MAF: variants seen among roughly 807,000 people sequenced by gnomAD.
MAF encodes MAF bZIP transcription factor, also known as transcription factor Maf.
In MAF, 10 loss-of-function variants were observed where a neutral mutation model predicts 22.0. That is an observed-to-expected ratio of 0.45 (90% CI 0.28 to 0.77). The LOEUF is 0.77. Ranked by LOEUF, MAF falls within the 30% of genes least tolerant of loss-of-function variation. The probability of loss-of-function intolerance (pLI) is 0.12; values close to 1 mark genes in which losing one functional copy is unlikely to be tolerated. For synonymous variants in MAF, 337 were observed against 255.8 expected (o/e 1.32, Z -3.03); for missense variants, 544 against 548.4 (o/e 0.99, Z 0.08).
the MAF span, among the ~76,000 whole-genome samples, chr16:79,563,083 A>C: frequency 6.6e-6 from 1 of 151,570 alleles, no homozygotes; most frequent in Non-Finnish European, 1.5e-5. Context: ...TATACTATGG[A>C]AACAGACAGC....
At chr16:79,538,173 T>C in the MAF span, among the ~76,000 whole-genome samples, 11 of 152,212 alleles carry the variant, frequency 7.2e-5, no homozygotes, top group African/African-American at 2.4e-4. Flanking sequence ...ATTAAATTTA[T>C]CATAAAACTA....
At chr16:79,371,094 A>C in the MAF span, among the ~76,000 whole-genome samples, 2 of 151,794 alleles carry the variant, frequency 1.3e-5, no homozygotes, top group South Asian at 4.2e-4. Context: ...CAGATGGTGG[A>C]TGAATGGTTT....
chr16:79,456,800 T>A, the MAF span, among the ~76,000 whole-genome samples: 1 of 152,164 alleles, frequency 6.6e-6, no homozygotes, highest in Non-Finnish European at 1.5e-5. Flanking sequence ...AGTCTCCTCT[T>A]CTTTTTGGGA....
At chr16:79,529,230 T>C in the MAF span, among the ~76,000 whole-genome samples, 1 of 152,132 alleles carries the variant, frequency 6.6e-6, no homozygotes, top group Non-Finnish European at 1.5e-5. Context: ...CAGTTACACC[T>C]TCCCATGCGC....
the MAF span, among the ~76,000 whole-genome samples, chr16:79,475,590 C>T: frequency 6.6e-6 from 1 of 152,072 alleles, no homozygotes; most frequent in Non-Finnish European, 1.5e-5. Flanking sequence ...GAAAGAATTT[C>T]CTGGGGGAGA....
At chr16:79,310,616 G>C in the MAF span, among the ~76,000 whole-genome samples, 21,716 of 152,080 alleles carry the variant, frequency 0.14, 2,262 homozygotes, top group East Asian at 0.41. Context: ...CCGCCTCCGC[G>C]ACATTTTGCA....
downstream of MAF, among the ~76,000 whole-genome samples, chr16:79,591,069 A>C (rs565776012): frequency 2.7e-4 from 41 of 152,164 alleles, no homozygotes; most frequent in South Asian, 4.2e-4. Flanking sequence ...CTGGAAGGAG[A>C]GTGATTTTCT....
the MAF span, among the ~76,000 whole-genome samples, chr16:79,390,291 A>AT: frequency 2.0e-5 from 3 of 151,956 alleles, no homozygotes; most frequent in East Asian, 1.9e-4. Context: ...TATTATTATT[A>AT]TTTTTTTCAC....
chr16:79,306,002 A>G, the MAF span, among the ~76,000 whole-genome samples: 1 of 152,142 alleles, frequency 6.6e-6, no homozygotes, highest in African/African-American at 2.4e-5. Flanking sequence ...TTTTGGCTTC[A>G]CTGGTAACAT....
the MAF span, among the ~76,000 whole-genome samples, chr16:79,295,303 G>A: frequency 2.0e-5 from 3 of 152,032 alleles, no homozygotes; most frequent in South Asian, 2.1e-4. Context: ...TGAATGATTC[G>A]TGAATCGGGC....
chr16:79,442,671 C>T, the MAF span, among the ~76,000 whole-genome samples: 1 of 152,306 alleles, frequency 6.6e-6, no homozygotes, highest in South Asian at 2.1e-4. Flanking sequence ...CTTGGCCTCC[C>T]AAAAGATTGG....
the MAF span, among the ~76,000 whole-genome samples, chr16:79,422,728 T>C: frequency 7.2e-5 from 11 of 152,170 alleles, no homozygotes; most frequent in Non-Finnish European, 1.5e-4. Context: ...CAACAATATT[T>C]ATTGAAGACC....
the MAF span, among the ~76,000 whole-genome samples, chr16:79,302,681 C>T: frequency 5.9e-5 from 9 of 152,240 alleles, no homozygotes; most frequent in Admixed American, 2.6e-4. Flanking sequence ...CCCCTGCAGG[C>T]GCTCTAGAAG....
chr16:79,301,242 GGGAA>G, the MAF span, among the ~76,000 whole-genome samples: 1 of 152,102 alleles, frequency 6.6e-6, no homozygotes, highest in African/African-American at 2.4e-5. Context: ...ACGGGACAGG[GGGAA>G]GCGTTTGGTG....
At chr16:79,549,095 T>G in the MAF span, among the ~76,000 whole-genome samples, 1 of 152,180 alleles carries the variant, frequency 6.6e-6, no homozygotes, top group Non-Finnish European at 1.5e-5. Flanking sequence ...GAAGGATAGT[T>G]GCAAGGATTA....
At chr16:79,392,310 A>T in the MAF span, among the ~76,000 whole-genome samples, 1 of 141,752 alleles carries the variant, frequency 7.1e-6, no homozygotes, top group Non-Finnish European at 1.5e-5. Context: ...TGAAGGAAGG[A>T]GAGAGAGGGA....
chr16:79,305,254 A>G, the MAF span, among the ~76,000 whole-genome samples: 2 of 152,214 alleles, frequency 1.3e-5, no homozygotes, highest in Non-Finnish European at 2.9e-5. Flanking sequence ...GGTTCCCACC[A>G]GAACCGGGCG....
downstream of MAF, among the ~76,000 whole-genome samples, chr16:79,582,058 C>T (rs56039984): frequency 0.058 from 8,816 of 152,224 alleles, 301 homozygotes; most frequent in Middle Eastern, 0.12. Context: ...TACTGTTGTC[C>T]TGCCATTTTC....
the MAF span, among the ~76,000 whole-genome samples, chr16:79,299,347 G>GA: frequency 3.9e-3 from 335 of 86,834 alleles, 1 homozygote; most frequent in Middle Eastern, 0.017. Context: ...CAAAGAAAAA[G>GA]AAAAAAAAAA....
Sources: gnomAD v4.1 joint callset for allele counts (sites outside exome capture counted in the v4.1 genomes callset) on GRCh38, gnomAD v4.1.1 for gene constraint, MANE v1.5 for transcripts, NCBI Gene and HGNC (gene_info 2026-07-23, HGNC 2026-07-21) for gene names.